The following PTPRJ variants were observed in gnomAD, a reference collection of about 807,000 sequenced individuals.
PTPRJ encodes receptor-type tyrosine-protein phosphatase eta.
PTPRJ carries 129 observed loss-of-function variants against 141.3 expected under a neutral mutation model. The observed-to-expected ratio is 0.91, with a 90% CI of 0.79 to 1.06. The LOEUF (loss-of-function observed/expected upper bound fraction) is 1.06. Among genes scored for constraint, PTPRJ ranks in the 50% least tolerant of loss-of-function variants. The pLI is 0.00. For missense variants in PTPRJ, 1,601 were observed against 1,679.7 expected, an observed-to-expected ratio of 0.95 and a Z score of 0.82; for synonymous variants, 610 against 640.5, an observed-to-expected ratio of 0.95 and a Z score of 0.72.
At position 48,127,803 on chromosome 11, in the gene PTPRJ, AC is replaced by A; in HGVS notation, c.1119del (p.Ala374LeufsTer2). ...RTNAIQVFDV[T>X]AVNISATSLT... ...AGATGCTATTCAGGTTTTTGACGTC[AC>A]CGCTGTGAACATCAGTGCCACAAGC... On this transcript the variant is annotated frameshift_variant, in exon 7 of 25. Coordinates refer to ENST00000418331, the MANE Select transcript of PTPRJ (RefSeq NM_002843.4). LOFTEE classifies it high-confidence loss of function. 6.2e-7 allele frequency: 1 copy of A among 1,614,132 alleles called. No homozygotes were observed. Among genetic ancestry groups the A allele is most frequent in the Non-Finnish European group, 8.5e-7 (1 of 1,179,998 alleles).
At chr11:48,140,472 G>C (rs549125107) in intron 11 of PTPRJ, among the ~76,000 whole-genome samples, 1 of 152,312 alleles carries the variant, frequency 6.6e-6, no homozygotes, top group African/African-American at 2.4e-5. Flanking sequence ...TGGTGGGTGA[G>C]CTAGCATGCT....
At chr11:48,129,375 A>G (rs1250352475) in intron 7 of PTPRJ, among the ~76,000 whole-genome samples, 1 of 152,058 alleles carries the variant, frequency 6.6e-6, no homozygotes, top group Non-Finnish European at 1.5e-5. Flanking sequence ...TCTCCCTCAC[A>G]TGGTTGTCCT....
At chr11:48,123,186 G>A (rs1006176938) in intron 4 of PTPRJ, among the ~76,000 whole-genome samples, 3 of 152,176 alleles carry the variant, frequency 2.0e-5, no homozygotes, top group Non-Finnish European at 4.4e-5. Context: ...GATATTATTT[G>A]CATTATCTTG....
chr11:48,145,126 T>C lies in PTPRJ; in HGVS notation c.2911+2T>C, dbSNP rs898974615. On this transcript the variant is annotated splice_donor_variant, in intron 14 of 24. Transcript: ENST00000418331. LOFTEE classifies it high-confidence loss of function. ...CTGTTTCCTTGCCCCAGGATCCAGG[T>C]AGGGAGAAGACAACAGTCCTGGCAC... The C allele has an allele frequency of 1.2e-6, 2 of 1,613,766 alleles. No individual in the cohort carries two copies. Among genetic ancestry groups the C allele is most frequent in the Non-Finnish European group, 1.7e-6 (2 of 1,179,976 alleles).
rs754270252 is a variant in PTPRJ, at chr11:48,139,741, C to A, written c.2408C>A (p.Ala803Asp). ...ACTGTGTCCTGTGGAAAGATGGCAG[C>A]CCCCACCCGGAACACCTGCACTACT... ...ITTVSCGKMA[A>D]PTRNTCTTGI... is the part of the protein sequence containing the mutation. The change falls in exon 11 of 25, where the codon GCC (alanine) becomes GAC (aspartate). Residue 803 changes from alanine to aspartate, a missense_variant. By Grantham distance (126) the Ala-to-Asp change is moderately radical (BLOSUM62 -2). Coordinates refer to ENST00000418331, the MANE Select transcript of PTPRJ (RefSeq NM_002843.4). 6.2e-6 allele frequency: 10 copies of A among 1,614,132 alleles called. No homozygotes were observed. The highest frequency in any genetic ancestry group is 1.7e-4 in the Middle Eastern group (1 of 6,036).
intron 1 of PTPRJ, among the ~76,000 whole-genome samples, chr11:48,090,540 C>G (rs1056676109): frequency 3.9e-5 from 6 of 152,196 alleles, no homozygotes; most frequent in Admixed American, 6.5e-5. Flanking sequence ...CCTCTGTTGT[C>G]CTCCCAGACT....
At chr11:48,099,424 A>G (rs761025049) in intron 1 of PTPRJ, among the ~76,000 whole-genome samples, 15 of 152,358 alleles carry the variant, frequency 9.8e-5, no homozygotes, top group South Asian at 4.1e-4. Context: ...GTTAGTTTAC[A>G]TATCATCGAT....
chr11:48,002,701 T>C (rs77548664), intron 1 of PTPRJ, among the ~76,000 whole-genome samples: 7 of 152,190 alleles, frequency 4.6e-5, no homozygotes, highest in Admixed American at 1.3e-4. Flanking sequence ...TTTGTGACTG[T>C]GATGGGCCTG....
chr11:48,101,985 GC>G (rs1484166055), intron 1 of PTPRJ, among the ~76,000 whole-genome samples: 1 of 152,102 alleles, frequency 6.6e-6, no homozygotes, highest in Non-Finnish European at 1.5e-5. Context: ...CCTGACATGG[GC>G]CAGAAATCCT....
intron 1 of PTPRJ, among the ~76,000 whole-genome samples, chr11:48,070,618 T>C (rs768860753): frequency 2.6e-5 from 4 of 152,176 alleles, no homozygotes; most frequent in Admixed American, 6.5e-5. Context: ...ACTCACACTA[T>C]TTAAATTATT....
At chr11:48,161,932 G>A (rs1430036466) in intron 22 of PTPRJ, among the ~76,000 whole-genome samples, 1 of 152,134 alleles carries the variant, frequency 6.6e-6, no homozygotes, top group Non-Finnish European at 1.5e-5. Flanking sequence ...TATTTCTATA[G>A]ATTTTGCTCA....
At chr11:48,037,962 C>G (rs915087956) in intron 1 of PTPRJ, among the ~76,000 whole-genome samples, 6 of 151,900 alleles carry the variant, frequency 3.9e-5, no homozygotes, top group Non-Finnish European at 7.4e-5. Context: ...GTGCCTTTCT[C>G]TTTCCTCCAC....
In PTPRJ at chr11:48,137,065, C is replaced by A; in HGVS notation, c.1936C>A (p.Gln646Lys). ...TNTTAATLSW[Q>K]NFDDASPTYS... The stretch of plus-strand genomic sequence containing the variant: ...CACCACAGCAGCAACTTTAAGTTGG[C>A]AGAACTTTGATGACGCCTCTCCCAC... The change falls in exon 10 of 25, where the codon CAG (glutamine) becomes AAG (lysine). Residue 646 changes from glutamine (Q) to lysine (K), a missense_variant. Coordinates refer to ENST00000418331, the MANE Select transcript of PTPRJ (RefSeq NM_002843.4). The A allele has an allele frequency of 6.2e-7, 1 of 1,604,412 alleles. No homozygotes were observed. Among genetic ancestry groups the A allele is most frequent in the South Asian group, 1.1e-5 (1 of 90,894 alleles).
chr11:48,056,877 C>T (rs1053395135), intron 1 of PTPRJ, among the ~76,000 whole-genome samples: 5 of 152,144 alleles, frequency 3.3e-5, no homozygotes, highest in Admixed American at 2.6e-4. Flanking sequence ...TCGCTTGACT[C>T]CGGGAGGAGG....
chr11:48,052,472 G>A (rs1854598601), intron 1 of PTPRJ, among the ~76,000 whole-genome samples: 1 of 152,242 alleles, frequency 6.6e-6, no homozygotes, highest in African/African-American at 2.4e-5. Context: ...CAACATTCCA[G>A]CCTTGGGTTA....
At chr11:47,985,251 G>T (rs1854020010) in intron 1 of PTPRJ, among the ~76,000 whole-genome samples, 1 of 152,074 alleles carries the variant, frequency 6.6e-6, no homozygotes, top group Non-Finnish European at 1.5e-5. Flanking sequence ...GGGCTCAAGG[G>T]CTCCTCTCGT....
intron 1 of PTPRJ, among the ~76,000 whole-genome samples, chr11:48,092,107 G>T (rs1215606893): frequency 4.6e-5 from 7 of 151,716 alleles, no homozygotes; most frequent in African/African-American, 1.7e-4. Flanking sequence ...ACCAGCCTGG[G>T]CAATATAGTG....
chr11:48,090,022 T>C (rs1286617586), intron 1 of PTPRJ, among the ~76,000 whole-genome samples: 1 of 152,224 alleles, frequency 6.6e-6, no homozygotes, highest in Admixed American at 6.5e-5. Context: ...TCATAGTAGG[T>C]ATTGGTTGTT....
At chr11:48,079,899 A>G (rs989809197) in intron 1 of PTPRJ, among the ~76,000 whole-genome samples, 11 of 152,156 alleles carry the variant, frequency 7.2e-5, no homozygotes, top group Admixed American at 4.6e-4. Context: ...AAAAGATACA[A>G]AGAGGAAGCA....
Sources: gnomAD v4.1 joint callset for allele counts (sites outside exome capture counted in the v4.1 genomes callset) on GRCh38, gnomAD v4.1.1 for gene constraint, MANE v1.5 for transcripts, NCBI Gene and HGNC (gene_info 2026-07-23, HGNC 2026-07-21) for gene names.